The following ERG28 variants were observed in gnomAD, a reference collection of about 807,000 sequenced individuals.
ERG28 encodes ergosterol biosynthesis 28 homolog, also known as ergosterol biosynthetic protein 28 homolog.
A neutral mutation model predicts 15.7 loss-of-function variants in ERG28; 9 were observed. The ratio of observed to expected loss-of-function variants is 0.57; its 90% confidence interval spans 0.35 to 1.00. The LOEUF (loss-of-function observed/expected upper bound fraction) is 1.00. Among genes scored for constraint, ERG28 ranks in the 50% least tolerant of loss-of-function variants. The probability of loss-of-function intolerance (pLI) is 0.02; values close to 1 mark genes in which losing one functional copy is unlikely to be tolerated. For synonymous variants in ERG28, 61 were observed against 68.4 expected (o/e 0.89, Z 0.53); for missense variants, 117 against 173.3 (o/e 0.68, Z 1.82).
intron 2 of ERG28, among the ~76,000 whole-genome samples, chr14:75,656,219 A>T (rs1476194638): frequency 6.6e-6 from 1 of 151,806 alleles, no homozygotes; most frequent in East Asian, 1.9e-4. Flanking sequence ...CTTTCAGAAG[A>T]GTACCATGAA....
At chr14:75,658,491 G>A (rs1350324100) in intron 1 of ERG28, among the ~76,000 whole-genome samples, 1 of 152,146 alleles carries the variant, frequency 6.6e-6, no homozygotes, top group Non-Finnish European at 1.5e-5. Flanking sequence ...GATTGGACAA[G>A]AGACTGATTT....
intron 3 of ERG28, among the ~76,000 whole-genome samples, chr14:75,654,335 A>G (rs1039815263): frequency 1.3e-5 from 2 of 152,204 alleles, no homozygotes; most frequent in Admixed American, 6.5e-5. Flanking sequence ...AGTGGCCAGC[A>G]CTGGTTATGG....
intron 2 of ERG28, among the ~76,000 whole-genome samples, chr14:75,656,279 AACAC>A (rs34053718): frequency 0.022 from 3,008 of 135,900 alleles, 32 homozygotes; most frequent in East Asian, 0.046. Flanking sequence ...GTGCTGGCTG[AACAC>A]ACACACACAC....
Position 75,651,813 on chromosome 14 carries a change from C to T in ERG28, c.301G>A (p.Ala101Thr), listed in dbSNP as rs776933216. The T allele has an allele frequency of 3.7e-6, 6 of 1,614,140 alleles. No homozygotes were observed. The highest frequency in any genetic ancestry group is 3.3e-5 in the Admixed American group (2 of 60,026). ...FLSELFVYGT[A>T]APTIGVLAPL... ...GCCAGGACGCCAATCGTGGGAGCTG[C>T]AGTTCCATAGACAAACAACTCAGAG... Residue 101 changes from alanine (A) to threonine (T), a missense_variant, in exon 4 of 5, where the codon GCA becomes ACA. Ala to Thr is a moderately conservative substitution (Grantham distance 58). Coordinates refer to ENST00000256319, the MANE Select transcript of ERG28 (RefSeq NM_007176.4).
chr14:75,653,417 C>A (rs1455322801), intron 3 of ERG28, among the ~76,000 whole-genome samples: 1 of 151,620 alleles, frequency 6.6e-6, no homozygotes, highest in East Asian at 2.0e-4. Flanking sequence ...GCCTGGCCAA[C>A]ATGGTGAGAA....
Position 75,649,834 on chromosome 14 carries a change from T to A in ERG28, c.*1721A>T, listed in dbSNP as rs1181953004. On this transcript the variant is annotated 3_prime_UTR_variant, in exon 5 of 5. Coordinates refer to ENST00000256319, the MANE Select transcript of ERG28 (RefSeq NM_007176.4). Reference sequence around the variant, plus strand: ...CATGCTGTGATTACATAGTTCTTATTCCTTGAATAAGACTATTCTACCTTC... The same window carrying A: ...CATGCTGTGATTACATAGTTCTTATACCTTGAATAAGACTATTCTACCTTC... The A allele has an allele frequency of 6.6e-6, 1 of 152,230 alleles. No individual in the cohort carries two copies. Among genetic ancestry groups the A allele is most frequent in the Non-Finnish European group, 1.5e-5 (1 of 68,054 alleles). The allele number at this position is 152,230 out of a possible 1,614,324, so 9.4% of individuals were successfully genotyped here.
At chr14:75,659,121 A>G (rs1167342310) in intron 1 of ERG28, among the ~76,000 whole-genome samples, 3 of 152,204 alleles carry the variant, frequency 2.0e-5, no homozygotes, top group Non-Finnish European at 4.4e-5. Flanking sequence ...TCCATCTTAC[A>G]GATGAGGGTT....
intron 3 of ERG28, among the ~76,000 whole-genome samples, chr14:75,653,822 G>A (rs1026394785): frequency 1.3e-5 from 2 of 152,046 alleles, no homozygotes; most frequent in Non-Finnish European, 2.9e-5. Flanking sequence ...TGCAAGGAAG[G>A]TGAATAATGG....
rs1362161504 is a variant in ERG28, at chr14:75,651,618, A to G, written c.360T>C (p.Gly120=). The change falls in exon 5 of 5, where the codon GGT becomes GGC. Residue 120 remains glycine (G), a synonymous_variant. Transcript: ENST00000256319. ...PLMVASFSIL[G]MLVGLRYLEV... ...CTAGATACCGGAGCCCGACCAGCATACCCAGGATGGAGAAACCTTAAATAC... is the reference window on the plus strand; with the variant it reads ...CTAGATACCGGAGCCCGACCAGCATGCCCAGGATGGAGAAACCTTAAATAC... 4 of 1,613,640 alleles carry G rather than the reference A, an allele frequency of 2.5e-6. No homozygotes were observed. The African/African-American group carries it at 5.3e-5, about 22-fold the overall frequency.
At chr14:75,656,226 T>C (rs1890594363) in intron 2 of ERG28, among the ~76,000 whole-genome samples, 1 of 151,144 alleles carries the variant, frequency 6.6e-6, no homozygotes. Context: ...AAGAGTACCA[T>C]GAAGGCCCCT....
In ERG28 at chr14:75,657,270, T is replaced by C. The variant is rs1230535270; in HGVS notation, c.133+100A>G. ...AAATGGGTACCTGTGTTTGTTGACG[T>C]TTCCTAGGTTACTCTGATGTACAGC... is the stretch of plus-strand genomic sequence containing the variant. On this transcript the variant is annotated intron_variant, in intron 2 of 4. Transcript: ENST00000256319. 2.1e-6 allele frequency: 3 copies of C among 1,413,988 alleles called. No individual in the cohort carries two copies. The Admixed American group carries it at 6.5e-5, about 31-fold the overall frequency. The allele number at this position is 1,413,988 out of a possible 1,614,324, so 87.6% of individuals were successfully genotyped here. A position where few individuals can be genotyped will look rare whatever the true frequency, so the allele number is the denominator to read the frequency against.
At position 75,659,563 on chromosome 14, in the gene ERG28, CTTT is replaced by C. The variant is rs10706626; in HGVS notation, c.-32+1209_-32+1211del. Among the ~76,000 whole-genome samples the C allele has an allele frequency of 8.7e-5, 12 of 138,084 alleles. No homozygotes were observed. The South Asian group carries it at 2.1e-3, about 24-fold the overall frequency. 90.6% of individuals were successfully genotyped at this position (138,084 alleles called of 152,430 possible). ...ACAGGTGTGAGCTACAGCACCCAGC[CTTT>C]TTTTTTTTTTTTTTAAGGCTTAGTT... On this transcript the variant is annotated intron_variant, in intron 1 of 4. Transcript: ENST00000256319.
intron 2 of ERG28, among the ~76,000 whole-genome samples, chr14:75,656,351 T>G (rs1360140406): frequency 6.6e-6 from 1 of 151,736 alleles, no homozygotes; most frequent in African/African-American, 2.4e-5. Context: ...TATATGCCTT[T>G]AAGTCACATG....
chr14:75,654,914 G>A lies in ERG28; in HGVS notation c.196C>T (p.Leu66Phe). 1 of 1,614,052 alleles carries A rather than the reference G, an allele frequency of 6.2e-7. No individual in the cohort carries two copies. The highest frequency in any genetic ancestry group is 1.1e-5 in the South Asian group (1 of 91,084). ...WTLLSSVIRCLCAIDIHNKTL... is the reference protein window; with the variant it reads ...WTLLSSVIRCFCAIDIHNKTL... Reference sequence around the variant, plus strand: ...TTGTTGTGAATGTCAATGGCACAGAGGCAGCGAATCACTGATGAGAGCAGC... The same window carrying A: ...TTGTTGTGAATGTCAATGGCACAGAAGCAGCGAATCACTGATGAGAGCAGC... The change falls in exon 3 of 5, where the codon CTC becomes TTC. Residue 66 changes from leucine (L) to phenylalanine (F), a missense_variant. Leu to Phe is a conservative substitution (Grantham distance 22). Coordinates refer to ENST00000256319, the MANE Select transcript of ERG28 (RefSeq NM_007176.4).
chr14:75,651,299 C>T lies in ERG28; in HGVS notation c.*256G>A, dbSNP rs1594821802. 6.4e-6 allele frequency: 2 copies of T among 314,568 alleles called. No homozygotes were observed. The highest frequency in any genetic ancestry group is 5.2e-5 in the East Asian group (1 of 19,064). The allele number at this position is 314,568 out of a possible 1,614,324, so 19.5% of individuals were successfully genotyped here. On this transcript the variant is annotated 3_prime_UTR_variant, in exon 5 of 5. Coordinates refer to ENST00000256319, the MANE Select transcript of ERG28 (RefSeq NM_007176.4). ...AGGTAGGGGAAGGAGACACAGTGGG[C>T]TTCCGAGAAGCTGGCAATTTCTTGA...
rs1341753768 is a variant in ERG28, at chr14:75,651,404, T to C, written c.*151A>G. Reference sequence around the variant, plus strand: ...CATGTTATATACTTTTCAGTATGCATATCTTTAAATTTTAAAAATTAAAAA... The same window carrying C: ...CATGTTATATACTTTTCAGTATGCACATCTTTAAATTTTAAAAATTAAAAA... On this transcript the variant is annotated 3_prime_UTR_variant, in exon 5 of 5. Coordinates refer to ENST00000256319, the MANE Select transcript of ERG28 (RefSeq NM_007176.4). 4.3e-6 allele frequency: 3 copies of C among 693,202 alleles called. No homozygotes were observed. Among genetic ancestry groups the C allele is most frequent in the African/African-American group, 3.6e-5 (2 of 55,398 alleles). The allele number at this position is 693,202 out of a possible 1,614,324, so 42.9% of individuals were successfully genotyped here.
At chr14:75,652,303 G>A (rs917589488) in intron 3 of ERG28, among the ~76,000 whole-genome samples, 1 of 152,232 alleles carries the variant, frequency 6.6e-6, no homozygotes, top group African/African-American at 2.4e-5. Context: ...GCACTTGTCG[G>A]TGTTTATAAG....
At position 75,654,735 on chromosome 14, in the gene ERG28, T is replaced by C. The variant is rs1479640192; in HGVS notation, c.224+151A>G. The C allele has an allele frequency of 6.9e-6, 6 of 869,258 alleles. No homozygotes were observed. In the Admixed American group the frequency reaches 9.9e-5, roughly 14 times the overall value. 53.8% of individuals were successfully genotyped at this position (869,258 alleles called of 1,614,324 possible). On this transcript the variant is annotated intron_variant, in intron 3 of 4. Transcript: ENST00000256319. Reference sequence around the variant, plus strand: ...TTAGGTCTACTATGTTTTCTAGGCTTGGAGGGAATGTAACCTGTGAGTTTT... The same window carrying C: ...TTAGGTCTACTATGTTTTCTAGGCTCGGAGGGAATGTAACCTGTGAGTTTT...
intron 3 of ERG28, among the ~76,000 whole-genome samples, chr14:75,653,696 C>T (rs1328990223): frequency 6.6e-6 from 1 of 151,990 alleles, no homozygotes; most frequent in East Asian, 1.9e-4. Context: ...TACTCATCAG[C>T]AATTCTTCAT....
Sources: allele counts gnomAD v4.1 joint callset (sites outside exome capture counted in the v4.1 genomes callset), GRCh38; gene constraint gnomAD v4.1.1; transcripts MANE v1.5; gene names NCBI Gene and HGNC (gene_info 2026-07-23, HGNC 2026-07-21).